Variants in CNTNAP4 observed in about 807,000 individuals in gnomAD.
CNTNAP4 encodes contactin associated protein family member 4.
A neutral mutation model predicts 148.4 loss-of-function variants in CNTNAP4; 98 were observed. That is an observed-to-expected ratio of 0.66 (90% confidence interval 0.56 to 0.78). CNTNAP4 has a LOEUF of 0.78. Among genes scored for constraint, CNTNAP4 ranks in the 30% least tolerant of loss-of-function variants. The pLI is 0.00. For synonymous variants in CNTNAP4, 730 were observed against 565.1 expected (o/e 1.29, Z -4.14); for missense variants, 1,935 against 1,565.6 (o/e 1.24, Z -3.98).
intron 3 of CNTNAP4, among the ~76,000 whole-genome samples, chr16:76,394,055 C>G (rs1278898228): frequency 6.6e-6 from 1 of 152,090 alleles, no homozygotes; most frequent in African/African-American, 2.4e-5. Context: ...TCAAATAGAA[C>G]AGGGAGAAAA....
intron 3 of CNTNAP4, among the ~76,000 whole-genome samples, chr16:76,425,812 T>C (rs1053611246): frequency 6.6e-6 from 1 of 152,178 alleles, no homozygotes; most frequent in African/African-American, 2.4e-5. Context: ...TGGAAGTGGT[T>C]GCTAAAGACT....
At chr16:76,379,534 G>A (rs1156874543) in intron 3 of CNTNAP4, among the ~76,000 whole-genome samples, 12 of 152,072 alleles carry the variant, frequency 7.9e-5, no homozygotes, top group Admixed American at 7.2e-4. Flanking sequence ...AACTGATTTT[G>A]TCTTAATATT....
rs546929150 is a variant in CNTNAP4 at position 76,359,213 on chromosome 16, A to G, written c.390+3702A>G. Among the ~76,000 whole-genome samples, 209 of 152,326 alleles carry G rather than the reference A, an allele frequency of 1.4e-3. 1 individual carries two copies. Among genetic ancestry groups the G allele is most frequent in the Admixed American group, 3.0e-3 (46 of 15,306 alleles). On this transcript the variant is annotated intron_variant, in intron 3 of 23. Coordinates refer to ENST00000611870, the MANE Select transcript of CNTNAP4 (RefSeq NM_033401.5). ...TTCTGGCTCAGTTTTTGTAGGTATT[A>G]TAGGATGTATACCAATTATACAAAA...
At chr16:76,366,454 G>A (rs1240524275) in intron 3 of CNTNAP4, among the ~76,000 whole-genome samples, 1 of 152,170 alleles carries the variant, frequency 6.6e-6, no homozygotes, top group Non-Finnish European at 1.5e-5. Flanking sequence ...TCCCAAAACA[G>A]ACATAATCTC....
intron 2 of CNTNAP4, among the ~76,000 whole-genome samples, chr16:76,334,328 C>A (rs1020402245): frequency 6.6e-6 from 1 of 151,962 alleles, no homozygotes; most frequent in South Asian, 2.1e-4. Flanking sequence ...GAAACAAAAG[C>A]CCTTCCCAGT....
chr16:76,469,612 C>A (rs2081296253), intron 10 of CNTNAP4: 1 of 152,188 alleles, frequency 6.6e-6, no homozygotes, highest in South Asian at 2.1e-4. Context: ...TCTGGAGCTG[C>A]CATGTCACAC....
At chr16:76,500,097 C>T (rs1319132359) in intron 15 of CNTNAP4, among the ~76,000 whole-genome samples, 11 of 152,078 alleles carry the variant, frequency 7.2e-5, no homozygotes, top group Non-Finnish European at 1.0e-4. Context: ...GGGGTGGCGG[C>T]GGGGCAGAGG....
At chr16:76,435,148 T>C (rs2079772024) in intron 4 of CNTNAP4, among the ~76,000 whole-genome samples, 1 of 152,120 alleles carries the variant, frequency 6.6e-6, no homozygotes, top group Non-Finnish European at 1.5e-5. Context: ...TCCCCTTCAT[T>C]CAAGGGGTTC....
chr16:76,336,565 G>C (rs908238684), intron 2 of CNTNAP4, among the ~76,000 whole-genome samples: 19 of 152,180 alleles, frequency 1.2e-4, no homozygotes, highest in Admixed American at 6.5e-5. Flanking sequence ...ATTGAACTGT[G>C]ATGTAAAAGA....
At chr16:76,481,717 G>A (rs1281002597) in intron 12 of CNTNAP4, among the ~76,000 whole-genome samples, 1 of 152,184 alleles carries the variant, frequency 6.6e-6, no homozygotes, top group African/African-American at 2.4e-5. Flanking sequence ...CATTGAGGCA[G>A]AGGGTGTTGC....
At chr16:76,380,782 G>A (rs1170219823) in intron 3 of CNTNAP4, among the ~76,000 whole-genome samples, 6 of 152,122 alleles carry the variant, frequency 3.9e-5, no homozygotes, top group Non-Finnish European at 1.5e-5. Context: ...TTGTGATTAT[G>A]TCAGCAGTTA....
At chr16:76,523,645 G>A (rs955264239) in intron 17 of CNTNAP4, among the ~76,000 whole-genome samples, 3 of 152,150 alleles carry the variant, frequency 2.0e-5, no homozygotes, top group African/African-American at 7.2e-5. Flanking sequence ...ATTAGAAATT[G>A]TACTTCAAGG....
intron 3 of CNTNAP4, among the ~76,000 whole-genome samples, chr16:76,382,939 G>T (rs963993142): frequency 3.9e-5 from 6 of 152,146 alleles, no homozygotes; most frequent in African/African-American, 1.4e-4. Flanking sequence ...CTGGCCAAAT[G>T]AAGTAATTGA....
At chr16:76,555,661 C>G (rs905698798) in intron 23 of CNTNAP4, among the ~76,000 whole-genome samples, 1 of 152,192 alleles carries the variant, frequency 6.6e-6, no homozygotes, top group Admixed American at 6.5e-5. Flanking sequence ...TTGTTTTGCT[C>G]AAACATCATT....
chr16:76,385,230 A>G (rs968169290), intron 3 of CNTNAP4, among the ~76,000 whole-genome samples: 10 of 152,224 alleles, frequency 6.6e-5, no homozygotes, highest in African/African-American at 2.4e-4. Flanking sequence ...AGTACAGCTG[A>G]TTCTCACTTT....
chr16:76,529,548 G>T (rs1010050657), intron 17 of CNTNAP4, among the ~76,000 whole-genome samples: 1 of 152,122 alleles, frequency 6.6e-6, no homozygotes, highest in African/African-American at 2.4e-5. Context: ...TCTTAAATTA[G>T]CCTTGAATTG....
intron 17 of CNTNAP4, among the ~76,000 whole-genome samples, chr16:76,526,200 G>C (rs1414407307): frequency 6.6e-6 from 1 of 152,014 alleles, no homozygotes; most frequent in Non-Finnish European, 1.5e-5. Context: ...AAAACCCTGT[G>C]AACATCTGAA....
chr16:76,349,723 A>T (rs2144438862), intron 2 of CNTNAP4, among the ~76,000 whole-genome samples: 1 of 152,272 alleles, frequency 6.6e-6, no homozygotes, highest in African/African-American at 2.4e-5. Flanking sequence ...AGGAATTTAG[A>T]TGTCCTAATG....
chr16:76,450,540 T>C (rs1451094370), intron 7 of CNTNAP4, among the ~76,000 whole-genome samples: 1 of 152,198 alleles, frequency 6.6e-6, no homozygotes. Flanking sequence ...CCATGTATAT[T>C]AGGGAGACAT....
Sources: allele counts gnomAD v4.1 joint callset (sites outside exome capture counted in the v4.1 genomes callset), GRCh38; gene constraint gnomAD v4.1.1; transcripts MANE v1.5; gene names NCBI Gene and HGNC (gene_info 2026-07-23, HGNC 2026-07-21).